Variants in DCAF8L2 observed in about 807,000 individuals in gnomAD.
The protein encoded by DCAF8L2 is DDB1- and CUL4-associated factor 8-like protein 2.
For missense variants in DCAF8L2, 430 were observed against 490.7 expected, an observed-to-expected ratio of 0.88 and a Z score of 1.17; for synonymous variants, 200 against 190.9, an observed-to-expected ratio of 1.05 and a Z score of -0.39.
chrX:27,699,685 C>G (rs775910304), intron 3 of DCAF8L2, among the ~76,000 whole-genome samples: 49 of 111,068 alleles, frequency 4.4e-4, no homozygotes, highest in African/African-American at 1.5e-3. Flanking sequence ...TGCTTCCATG[C>G]TCAGGTTCTG....
upstream of DCAF8L2, among the ~76,000 whole-genome samples, chrX:27,587,734 T>G (rs1033956959): frequency 1.2e-4 from 13 of 110,591 alleles, no homozygotes; most frequent in African/African-American, 4.3e-4. Context: ...TATGTACTGC[T>G]TTTTCACTGT....
chrX:27,656,805 G>A (rs1929370732), intron 2 of DCAF8L2, among the ~76,000 whole-genome samples: 1 of 111,859 alleles, frequency 8.9e-6, no homozygotes, highest in Non-Finnish European at 1.9e-5. Context: ...ATGGGTCAAA[G>A]CCAAGGGGAA....
At chrX:27,675,878 A>T (rs1930122148) in intron 2 of DCAF8L2, among the ~76,000 whole-genome samples, 1 of 112,418 alleles carries the variant, frequency 8.9e-6, no homozygotes. Flanking sequence ...CAAAGTGGAC[A>T]TAGTTATCAC....
chrX:27,604,812 T>A (rs934823051), intron 1 of DCAF8L2, among the ~76,000 whole-genome samples: 1 of 111,558 alleles, frequency 9.0e-6, no homozygotes, highest in Non-Finnish European at 1.9e-5. Flanking sequence ...ATTCAAGACA[T>A]GCTTCTGTAA....
chrX:27,692,102 A>G (rs975525473), intron 3 of DCAF8L2, among the ~76,000 whole-genome samples: 1 of 111,785 alleles, frequency 8.9e-6, no homozygotes, highest in African/African-American at 3.2e-5. Context: ...GGTATAGTTT[A>G]TTTCAAAAAG....
the DCAF8L2 span, among the ~76,000 whole-genome samples, chrX:27,486,828 T>C: frequency 7.6e-4 from 85 of 111,819 alleles, no homozygotes; most frequent in African/African-American, 2.5e-3. Flanking sequence ...AATCTATATA[T>C]CTATCCTAAG....
intron 2 of DCAF8L2, among the ~76,000 whole-genome samples, chrX:27,657,639 A>C (rs1228050762): frequency 8.9e-6 from 1 of 112,086 alleles, no homozygotes; most frequent in African/African-American, 3.2e-5. Context: ...TTCTGCTGAA[A>C]TAATACTATT....
At chrX:27,735,542 G>A (rs1906241529) in intron 4 of DCAF8L2, among the ~76,000 whole-genome samples, 2 of 112,301 alleles carry the variant, frequency 1.8e-5, no homozygotes, top group South Asian at 7.3e-4. Context: ...CATACTTGCT[G>A]ATATTTGTAC....
chrX:27,599,400 T>C (rs1422405032), intron 1 of DCAF8L2, among the ~76,000 whole-genome samples: 3 of 110,849 alleles, frequency 2.7e-5, no homozygotes, highest in Non-Finnish European at 5.7e-5. Context: ...GTTCAAATGG[T>C]GTAAGGTTTA....
intron 1 of DCAF8L2, among the ~76,000 whole-genome samples, chrX:27,608,698 C>CTT (rs773443796): frequency 1.3e-3 from 139 of 104,885 alleles, no homozygotes; most frequent in Middle Eastern, 4.9e-3. Context: ...TCCTGAACAT[C>CTT]TTTTTTTTTT....
chrX:27,729,340 C>A (rs1472892566), intron 4 of DCAF8L2, among the ~76,000 whole-genome samples: 2 of 112,082 alleles, frequency 1.8e-5, no homozygotes, highest in African/African-American at 6.5e-5. Context: ...CCTATCAAGG[C>A]AATTATGATA....
At chrX:27,624,276 T>C (rs1927912896) in intron 1 of DCAF8L2, among the ~76,000 whole-genome samples, 1 of 111,039 alleles carries the variant, frequency 9.0e-6, no homozygotes, top group East Asian at 2.9e-4. Flanking sequence ...AGTACCAAAT[T>C]GTTAGAAGAC....
At chrX:27,487,955 A>T in the DCAF8L2 span, among the ~76,000 whole-genome samples, 50 of 112,261 alleles carry the variant, frequency 4.5e-4, no homozygotes, top group African/African-American at 1.5e-3. Context: ...CTTGGCTATT[A>T]TGAATAAAGC....
chrX:27,653,949 A>T (rs1451302707), intron 2 of DCAF8L2, among the ~76,000 whole-genome samples: 2 of 111,748 alleles, frequency 1.8e-5, no homozygotes, highest in Non-Finnish European at 3.8e-5. Context: ...TGGGACTGAA[A>T]TTATTAACGT....
the DCAF8L2 span, among the ~76,000 whole-genome samples, chrX:27,498,964 T>C: frequency 8.9e-6 from 1 of 112,333 alleles, no homozygotes. Flanking sequence ...TCTTTATCCA[T>C]TCATCCATCA....
Position 27,712,421 on chromosome X carries a change from A to C in DCAF8L2, c.-142-3667A>C, listed in dbSNP as rs1268274014. On this transcript the variant is annotated intron_variant, in intron 3 of 4. Coordinates refer to ENST00000451261, the MANE Select transcript of DCAF8L2 (RefSeq NM_001353450.2). ...TTAGACCCAAACTGCAAAATATCCT[A>C]ACTGAAGGGGTCAGTGGCTCAAATT... The C allele has an allele frequency of 5.4e-5, 6 of 111,909 alleles. No individual in the cohort carries two copies. The East Asian group carries it at 1.7e-3, about 31-fold the overall frequency. 9.2% of individuals were successfully genotyped at this position (111,909 alleles called of 1,213,427 possible).
the DCAF8L2 span, among the ~76,000 whole-genome samples, chrX:27,537,915 A>T: frequency 8.9e-6 from 1 of 112,256 alleles, no homozygotes; most frequent in Non-Finnish European, 1.9e-5. Context: ...CATTATCCTC[A>T]AAAGAATGTT....
the DCAF8L2 span, among the ~76,000 whole-genome samples, chrX:27,527,716 A>G: frequency 1.8e-5 from 2 of 108,503 alleles, no homozygotes; most frequent in Non-Finnish European, 3.8e-5. Flanking sequence ...CAGTGGCACG[A>G]TCTCAGCTCA....
At chrX:27,525,672 T>G in the DCAF8L2 span, among the ~76,000 whole-genome samples, 2 of 111,721 alleles carry the variant, frequency 1.8e-5, no homozygotes, top group Admixed American at 1.9e-4. Flanking sequence ...GATACCAGTT[T>G]TTCCTTTCTA....
Sources: gnomAD v4.1 joint callset for allele counts (sites outside exome capture counted in the v4.1 genomes callset) on GRCh38, gnomAD v4.1.1 for gene constraint, MANE v1.5 for transcripts, NCBI Gene and HGNC (gene_info 2026-07-23, HGNC 2026-07-21) for gene names.